Variants in SEC31B observed in about 807,000 individuals in gnomAD.
SEC31B encodes SEC31 homolog B, COPII component, also known as protein transport protein Sec31B.
SEC31B carries 113 observed loss-of-function variants against 135.0 expected under a neutral mutation model. That is an observed-to-expected ratio of 0.84 (90% CI 0.72 to 0.98). The LOEUF is 0.98. SEC31B is among the 50% of genes least tolerant of loss of function. The pLI is 0.00. For missense variants in SEC31B, 1,296 were observed against 1,421.1 expected (o/e 0.91, Z 1.42); for synonymous variants, 508 against 549.4 (o/e 0.92, Z 1.05).
intron 17 of SEC31B, among the ~76,000 whole-genome samples, chr10:100,496,883 T>C (rs575051422): frequency 4.1e-4 from 62 of 152,238 alleles, no homozygotes; most frequent in Admixed American, 4.1e-3. Flanking sequence ...ATTACTCAAG[T>C]ACTGAATACA....
rs1413600341 is a variant in SEC31B at position 100,487,606 on chromosome 10, G to C, written c.*10C>G. 8 of 1,608,686 alleles carry C rather than the reference G, an allele frequency of 5.0e-6. No homozygotes were observed. The highest frequency in any genetic ancestry group is 2.2e-5 in the South Asian group (2 of 90,418). On this transcript the variant is annotated 3_prime_UTR_variant, in exon 26 of 26. Transcript: ENST00000370345. Reference sequence around the variant, plus strand: ...CAGAAGTGGCCTCCTAGCAAGAGAGGCTGCCTGGTTTAGACCAGCAGCTTA... The same window carrying C: ...CAGAAGTGGCCTCCTAGCAAGAGAGCCTGCCTGGTTTAGACCAGCAGCTTA...
intron 10 of SEC31B, among the ~76,000 whole-genome samples, chr10:100,503,479 G>T (rs1343785495): frequency 6.6e-6 from 1 of 151,184 alleles, no homozygotes; most frequent in Non-Finnish European, 1.5e-5. Context: ...TGTTGCCCAG[G>T]CTGGAGTATA....
chr10:100,490,851 GA>G lies in SEC31B; in HGVS notation c.2504del (p.Phe835SerfsTer27). Reference sequence around the variant, plus strand: ...GCATCGCTGGTGATGACTGAGGGGTGAAAACCCTTGGCCTTGGAGATGGAGT... The same window carrying G: ...GCATCGCTGGTGATGACTGAGGGGTGAAACCCTTGGCCTTGGAGATGGAGT... ...VPTPSPRPRV[F>X]TPQSSPAMPL... On this transcript the variant is annotated frameshift_variant, in exon 20 of 26. Coordinates refer to ENST00000370345, the MANE Select transcript of SEC31B (RefSeq NM_015490.4). LOFTEE classifies it high-confidence loss of function. 6.4e-7 allele frequency: 1 copy of G among 1,566,926 alleles called. No homozygotes were observed. Among genetic ancestry groups the G allele is most frequent in the Non-Finnish European group, 8.7e-7 (1 of 1,150,642 alleles).
chr10:100,509,445 G>A lies in SEC31B; in HGVS notation c.270C>T (p.Gly90=), dbSNP rs145607458. ...GAATAAGCATGCCATTGTCCCCGCC[G>A]CCAACAATAACCCCGGAGCTTTCCA... is the stretch of plus-strand genomic sequence containing the variant. ...GLLESSGVIV[G]GGDNGMLILY... The change falls in exon 4 of 26, where the codon GGC becomes GGT. Residue 90 remains glycine (G), a synonymous_variant. Coordinates refer to ENST00000370345, the MANE Select transcript of SEC31B (RefSeq NM_015490.4). The A allele has an allele frequency of 2.4e-5, 38 of 1,613,890 alleles. No individual in the cohort carries two copies. The East Asian group carries it at 2.5e-4, about 10-fold the overall frequency.
In SEC31B at chr10:100,497,210, C is replaced by T. The variant is rs1219626005; in HGVS notation, c.2061G>A (p.Val687=). 6.2e-7 allele frequency: 1 copy of T among 1,614,252 alleles called. No individual in the cohort carries two copies. Among genetic ancestry groups the T allele is most frequent in the Non-Finnish European group, 8.5e-7 (1 of 1,180,044 alleles). ...ALTSEARLCY[V]CSGSVERLVE... ...CCAGCCGCTCCACACTCCCTGAGCA[C>T]ACATAACAGAGTCTGGCTTCGGAGG... The change falls in exon 17 of 26, where the codon GTG becomes GTA. Residue 687 remains valine, a synonymous_variant. Coordinates refer to ENST00000370345, the MANE Select transcript of SEC31B (RefSeq NM_015490.4).
At chr10:100,498,873 G>T in intron 13 of SEC31B, 69 bp from the exon 14 acceptor site, 2 of 1,191,610 alleles carry the variant, frequency 1.7e-6, no homozygotes, top group Non-Finnish European at 2.5e-6. Context: ...TGGCTTAGTA[G>T]CCCTGAGAGC....
In SEC31B at chr10:100,497,797, T is replaced by C; in HGVS notation, c.1864-4A>G. 1 of 1,614,144 alleles carries C rather than the reference T, an allele frequency of 6.2e-7. No individual in the cohort carries two copies. Among genetic ancestry groups the C allele is most frequent in the Non-Finnish European group, 8.5e-7 (1 of 1,180,032 alleles). On this transcript the variant is annotated splice_region_variant and splice_polypyrimidine_tract_variant and intron_variant, in intron 15 of 25. Transcript: ENST00000370345. ...TTTGCACAACACAGGCTAGAAGCTG[T>C]AATGGGCAGAGAGGGAAAGAGACCA...
intron 2 of SEC31B, among the ~76,000 whole-genome samples, chr10:100,516,605 C>T (rs927841935): frequency 2.8e-5 from 4 of 144,996 alleles, no homozygotes; most frequent in South Asian, 2.2e-4. Context: ...GCCAAGATCG[C>T]GCCACTGCAC....
At chr10:100,505,987 C>T (rs1266609441) in intron 9 of SEC31B, 53 bp downstream of exon 9, 1 of 1,608,956 alleles carries the variant, frequency 6.2e-7, no homozygotes. Flanking sequence ...GTCTCTCTCC[C>T]ACAAACAGAG....
intron 11 of SEC31B, chr10:100,500,143 G>A (rs1239615917): frequency 2.2e-6 from 1 of 456,462 alleles, no homozygotes; most frequent in Non-Finnish European, 4.4e-6. Flanking sequence ...CCTTGCACCT[G>A]AGCTGTCTCT....
At chr10:100,503,236 C>T (rs936970686) in intron 10 of SEC31B, among the ~76,000 whole-genome samples, 2 of 152,132 alleles carry the variant, frequency 1.3e-5, no homozygotes, top group Admixed American at 1.3e-4. Flanking sequence ...AAGCATCTGG[C>T]ACAAAACAGG....
intron 19 of SEC31B, among the ~76,000 whole-genome samples, chr10:100,493,140 G>A (rs986785983): frequency 3.3e-5 from 5 of 152,168 alleles, no homozygotes; most frequent in African/African-American, 4.8e-5. Flanking sequence ...TTGGGAGGCC[G>A]AGGCGGGCGG....
chr10:100,502,707 C>T (rs902937656), intron 10 of SEC31B, among the ~76,000 whole-genome samples: 4 of 152,178 alleles, frequency 2.6e-5, no homozygotes, highest in African/African-American at 7.2e-5. Flanking sequence ...TCAAACTTCA[C>T]CACACAAGAC....
intron 20 of SEC31B, 60 bp from the exon 21 acceptor site, chr10:100,490,382 G>A (rs1046074114): frequency 1.1e-5 from 16 of 1,497,702 alleles, no homozygotes; most frequent in Non-Finnish European, 1.3e-5. Flanking sequence ...GCAACTCAGA[G>A]CATATCAGGG....
intron 24 of SEC31B, among the ~76,000 whole-genome samples, chr10:100,488,384 G>C (rs925670969): frequency 6.0e-5 from 9 of 150,884 alleles, no homozygotes; most frequent in Non-Finnish European, 8.8e-5. Context: ...GCTTGAACCC[G>C]GGAGGCAGAG....
At position 100,507,906 on chromosome 10, in the gene SEC31B, ACC is replaced by A; in HGVS notation, c.639_639+1del. Reference sequence around the variant, plus strand: ...GCCTGTGTTCTGGCCTCCAATACTCACCCTGTTGCTGTGATCACTGACTTTGA... The same window carrying A: ...GCCTGTGTTCTGGCCTCCAATACTCACTGTTGCTGTGATCACTGACTTTGA... On this transcript the variant is annotated splice_donor_variant and coding_sequence_variant, in exon 6 of 26. Coordinates refer to ENST00000370345, the MANE Select transcript of SEC31B (RefSeq NM_015490.4). LOFTEE classifies it high-confidence loss of function. The A allele has an allele frequency of 1.9e-6, 3 of 1,614,010 alleles. No individual in the cohort carries two copies. The highest frequency in any genetic ancestry group is 2.5e-6 in the Non-Finnish European group (3 of 1,179,974).
intron 12 of SEC31B, 112 bp downstream of exon 12, chr10:100,499,412 C>T: frequency 1.8e-6 from 2 of 1,099,202 alleles, no homozygotes; most frequent in East Asian, 2.4e-5. Context: ...ATGTAAAATG[C>T]TCACATATGC....
intron 3 of SEC31B, 35 bp downstream of exon 3, chr10:100,516,061 C>T (rs758848651): frequency 6.2e-7 from 1 of 1,611,536 alleles, no homozygotes. Flanking sequence ...ACGTCAGTAT[C>T]TACCCTGTAT....
At position 100,516,157 on chromosome 10, in the gene SEC31B, C is replaced by T. The variant is rs1851838953; in HGVS notation, c.142G>A (p.Val48Ile). 6 of 1,613,894 alleles carry T rather than the reference C, an allele frequency of 3.7e-6. No individual in the cohort carries two copies. The highest frequency in any genetic ancestry group is 4.2e-6 in the Non-Finnish European group (5 of 1,179,994). ...TCCAGAGAAGGGTCCCTGAAATCAA[C>T]CTCAAATATTTCCAATGTGCCATTT... ...STNGTLEIFE[V>I]DFRDPSLDLK... Residue 48 changes from valine (V) to isoleucine (I), a missense_variant, in exon 3 of 26, where the codon GTT (valine) becomes ATT (isoleucine). Transcript: ENST00000370345.
Sources: gnomAD v4.1 joint callset for allele counts (sites outside exome capture counted in the v4.1 genomes callset) on GRCh38, gnomAD v4.1.1 for gene constraint, MANE v1.5 for transcripts, NCBI Gene and HGNC (gene_info 2026-07-23, HGNC 2026-07-21) for gene names.